Variants in SUGCT observed in about 807,000 individuals in gnomAD.
The protein encoded by SUGCT is succinyl-CoA:glutarate CoA-transferase.
A neutral mutation model predicts 55.0 loss-of-function variants in SUGCT; 41 were observed. That is an observed-to-expected ratio of 0.74 (90% CI 0.58 to 0.97). The LOEUF (loss-of-function observed/expected upper bound fraction) is 0.97. Ranked by LOEUF, SUGCT falls within the 50% of genes least tolerant of loss-of-function variation. The pLI is 0.00. For missense variants in SUGCT, 568 were observed against 547.8 expected (o/e 1.04, Z -0.37); for synonymous variants, 187 against 200.4 (o/e 0.93, Z 0.56).
chr7:40,428,834 T>A (rs1787737666), intron 9 of SUGCT, among the ~76,000 whole-genome samples: 1 of 152,224 alleles, frequency 6.6e-6, no homozygotes, highest in African/African-American at 2.4e-5. Flanking sequence ...CTTTAAACTT[T>A]CACACTGTTT....
intron 7 of SUGCT, among the ~76,000 whole-genome samples, chr7:40,259,948 C>T (rs77183916): frequency 2.0e-3 from 299 of 152,288 alleles, no homozygotes; most frequent in African/African-American, 6.6e-3. Context: ...CAGTTCTGAG[C>T]TTGAAGTATC....
At chr7:40,149,507 G>A (rs1204971182) in intron 1 of SUGCT, among the ~76,000 whole-genome samples, 2 of 152,152 alleles carry the variant, frequency 1.3e-5, no homozygotes, top group African/African-American at 4.8e-5. Flanking sequence ...TATACTTTAG[G>A]GCTGGGCGCG....
At chr7:40,672,723 C>T (rs1377067813) in intron 12 of SUGCT, among the ~76,000 whole-genome samples, 1 of 152,200 alleles carries the variant, frequency 6.6e-6, no homozygotes, top group African/African-American at 2.4e-5. Context: ...TTGAAGGAAA[C>T]TGCATAATGG....
At chr7:40,605,004 G>A (rs1798456150) in intron 12 of SUGCT, among the ~76,000 whole-genome samples, 1 of 152,194 alleles carries the variant, frequency 6.6e-6, no homozygotes, top group South Asian at 2.1e-4. Context: ...GCGTTGCACG[G>A]TATTGGGGGC....
rs557805034 is a variant in SUGCT at position 40,441,582 on chromosome 7, T to TA, written c.817-7698dup. ...TTTAAAAATGCTTGTGATAGGATGT[T>TA]AAAAAAATGCAGTCCAGAAATTCAT... On this transcript the variant is annotated intron_variant, in intron 9 of 13. Coordinates refer to ENST00000335693, the MANE Select transcript of SUGCT (RefSeq NM_001193313.2). Among the ~76,000 whole-genome samples, 462 of 152,236 alleles carry TA rather than the reference T, an allele frequency of 3.0e-3. 3 individuals are homozygous for TA. The highest frequency in any genetic ancestry group is 8.1e-3 in the South Asian group (39 of 4,828).
intron 9 of SUGCT, among the ~76,000 whole-genome samples, chr7:40,439,074 A>G (rs368344024): frequency 0.09 from 7,405 of 82,114 alleles, 919 homozygotes; most frequent in Non-Finnish European, 0.1. Context: ...GTATATATAT[A>G]TATATATATA....
chr7:40,635,313 C>CA (rs201178821), intron 12 of SUGCT, among the ~76,000 whole-genome samples: 41 of 148,290 alleles, frequency 2.8e-4, no homozygotes, highest in South Asian at 6.4e-4. Flanking sequence ...AAAAACAAAA[C>CA]AAAAAAAAAC....
At chr7:40,158,291 G>T (rs1396440687) in intron 1 of SUGCT, among the ~76,000 whole-genome samples, 1 of 152,132 alleles carries the variant, frequency 6.6e-6, no homozygotes, top group African/African-American at 2.4e-5. Flanking sequence ...CTTCTTTGTA[G>T]ACTAATATTC....
At chr7:40,249,050 G>T (rs1377069449) in intron 7 of SUGCT, among the ~76,000 whole-genome samples, 1 of 151,746 alleles carries the variant, frequency 6.6e-6, no homozygotes, top group Non-Finnish European at 1.5e-5. Flanking sequence ...TAGCACTTTG[G>T]GTGACCAAGT....
intron 9 of SUGCT, among the ~76,000 whole-genome samples, chr7:40,353,530 C>A (rs778454070): frequency 1.3e-5 from 2 of 152,060 alleles, no homozygotes; most frequent in Non-Finnish European, 2.9e-5. Flanking sequence ...ACAGTAAATA[C>A]CTTTCACGTT....
the SUGCT span, among the ~76,000 whole-genome samples, chr7:40,936,938 T>C: frequency 6.6e-6 from 1 of 152,170 alleles, no homozygotes; most frequent in African/African-American, 2.4e-5. Flanking sequence ...ATTTCTAATT[T>C]CATTTCTTTG....
the SUGCT span, among the ~76,000 whole-genome samples, chr7:40,946,255 G>A: frequency 3.9e-5 from 6 of 152,072 alleles, no homozygotes; most frequent in African/African-American, 1.4e-4. Context: ...CAGGCAATGG[G>A]CAGGACCACA....
chr7:40,942,384 A>G, the SUGCT span, among the ~76,000 whole-genome samples: 5 of 152,306 alleles, frequency 3.3e-5, no homozygotes, highest in Admixed American at 2.6e-4. Context: ...TGCTAAAGAT[A>G]GGACCCCAGT....
intron 13 of SUGCT, among the ~76,000 whole-genome samples, chr7:40,768,872 C>G (rs1455123546): frequency 6.6e-6 from 1 of 152,186 alleles, no homozygotes; most frequent in Non-Finnish European, 1.5e-5. Flanking sequence ...GATGGGGAGG[C>G]ACATGTGAGT....
chr7:41,028,158 T>C, the SUGCT span, among the ~76,000 whole-genome samples: 2 of 152,070 alleles, frequency 1.3e-5, no homozygotes, highest in African/African-American at 4.8e-5. Flanking sequence ...CTACATCCTA[T>C]CCACAAAATC....
chr7:40,936,964 C>T, the SUGCT span, among the ~76,000 whole-genome samples: 1 of 151,926 alleles, frequency 6.6e-6, no homozygotes, highest in African/African-American at 2.4e-5. Flanking sequence ...CATGTCAATT[C>T]TTTGTATGAT....
intron 12 of SUGCT, among the ~76,000 whole-genome samples, chr7:40,517,642 G>A (rs1024982101): frequency 5.9e-5 from 9 of 152,054 alleles, no homozygotes; most frequent in Non-Finnish European, 1.0e-4. Context: ...TTTGGGCCTA[G>A]TATTGATGTT....
intron 9 of SUGCT, among the ~76,000 whole-genome samples, chr7:40,444,706 AC>A (rs1188778580): frequency 2.6e-5 from 4 of 152,186 alleles, no homozygotes; most frequent in Non-Finnish European, 4.4e-5. Context: ...CTAATTGAGT[AC>A]CCTTTATTTC....
chr7:40,418,975 ACT>A (rs1160481290), intron 9 of SUGCT, among the ~76,000 whole-genome samples: 5 of 152,000 alleles, frequency 3.3e-5, no homozygotes, highest in Non-Finnish European at 1.5e-5. Context: ...TCTTTTCTTT[ACT>A]CTCTGCCTAC....
Sources: gnomAD v4.1 joint callset for allele counts (sites outside exome capture counted in the v4.1 genomes callset) on GRCh38, gnomAD v4.1.1 for gene constraint, MANE v1.5 for transcripts, NCBI Gene and HGNC (gene_info 2026-07-23, HGNC 2026-07-21) for gene names.